Variants in ADAMTSL1 observed in about 807,000 individuals in gnomAD.
The protein encoded by ADAMTSL1 is ADAMTS-like protein 1.
Under a neutral mutation model 201.8 loss-of-function variants are expected in ADAMTSL1, and 126 were observed. That is an observed-to-expected ratio of 0.62 (90% CI 0.54 to 0.72). ADAMTSL1 has a LOEUF of 0.72. ADAMTSL1 is among the 30% of genes least tolerant of loss of function. The pLI, the probability that ADAMTSL1 is intolerant of heterozygous loss-of-function variation, is 0.00. For missense variants in ADAMTSL1, 2,679 were observed against 2,277.8 expected (o/e 1.18, Z -3.59); for synonymous variants, 1,121 against 903.4 (o/e 1.24, Z -4.32).
chr9:17,912,241 G>C lies in ADAMTSL1; in HGVS notation c.87+5319G>C, dbSNP rs1173012518. On this transcript the variant is annotated intron_variant, in intron 1 of 29. Transcript: ENST00000680146. ...GGGTCAAATGATATTTCTAGTTCTAGATCCCTGAGGAATTACCACACTGAC... is the reference window on the plus strand; with the variant it reads ...GGGTCAAATGATATTTCTAGTTCTACATCCCTGAGGAATTACCACACTGAC... Among the ~76,000 whole-genome samples the C allele has an allele frequency of 6.0e-5, 4 of 66,634 alleles. 2 individuals carry two copies. Among genetic ancestry groups the C allele is most frequent in the African/African-American group, 1.2e-4 (4 of 33,184 alleles). 43.7% of individuals were successfully genotyped at this position (66,634 alleles called of 152,430 possible).
At chr9:18,861,304 G>C (rs1197329642) in intron 23 of ADAMTSL1, among the ~76,000 whole-genome samples, 2 of 152,218 alleles carry the variant, frequency 1.3e-5, no homozygotes, top group African/African-American at 4.8e-5. Flanking sequence ...ATTCCCAGCA[G>C]AACAGCATGT....
chr9:18,099,327 AT>A (rs1277376624), intron 1 of ADAMTSL1, among the ~76,000 whole-genome samples: 4 of 44,774 alleles, frequency 8.9e-5, no homozygotes, highest in South Asian at 8.2e-4. Flanking sequence ...CAAATGGAAA[AT>A]ATATATATAT....
At chr9:17,985,330 T>C (rs988293596) in intron 1 of ADAMTSL1, among the ~76,000 whole-genome samples, 2 of 152,170 alleles carry the variant, frequency 1.3e-5, no homozygotes. Flanking sequence ...TTCCAAACGT[T>C]AAAACTTTAA....
intron 1 of ADAMTSL1, among the ~76,000 whole-genome samples, chr9:18,501,294 C>T (rs1822826829): frequency 6.6e-6 from 1 of 151,868 alleles, no homozygotes; most frequent in Non-Finnish European, 1.5e-5. Context: ...GTGGATAGCT[C>T]GAGCTCAGGA....
At chr9:18,603,366 CTA>C (rs1824789888) in intron 4 of ADAMTSL1, among the ~76,000 whole-genome samples, 1 of 150,718 alleles carries the variant, frequency 6.6e-6, no homozygotes, top group Non-Finnish European at 1.5e-5. Flanking sequence ...CTATGCTATG[CTA>C]TGCTATGCTA....
At chr9:18,668,964 C>A (rs545667792) in intron 9 of ADAMTSL1, among the ~76,000 whole-genome samples, 1 of 152,338 alleles carries the variant, frequency 6.6e-6, no homozygotes, top group South Asian at 2.1e-4. Flanking sequence ...CTAAGTTCTT[C>A]CAGTTCTACA....
chr9:18,044,803 C>T (rs770379853), intron 1 of ADAMTSL1, among the ~76,000 whole-genome samples: 2 of 152,158 alleles, frequency 1.3e-5, no homozygotes, highest in South Asian at 2.1e-4. Context: ...AGCAGAGTCA[C>T]ACCTAGAATA....
At chr9:18,575,474 A>T in intron 4 of ADAMTSL1, among the ~76,000 whole-genome samples, 1 of 152,230 alleles carries the variant, frequency 6.6e-6, no homozygotes, top group Non-Finnish European at 1.5e-5. Context: ...TATTCAATCA[A>T]CATTCTAAAA....
At chr9:18,387,984 T>C (rs1239757209) in intron 2 of ADAMTSL1, among the ~76,000 whole-genome samples, 1 of 128,886 alleles carries the variant, frequency 7.8e-6, no homozygotes, top group African/African-American at 2.5e-5. Context: ...TGCTGTACCT[T>C]TCTGATGAGG....
intron 16 of ADAMTSL1, among the ~76,000 whole-genome samples, chr9:18,758,217 G>A (rs756940520): frequency 2.6e-5 from 4 of 152,198 alleles, no homozygotes; most frequent in Non-Finnish European, 5.9e-5. Flanking sequence ...TCACTATGCA[G>A]TATGGCTTTC....
chr9:18,751,232 G>A (rs565355796), intron 15 of ADAMTSL1, among the ~76,000 whole-genome samples: 43 of 152,252 alleles, frequency 2.8e-4, no homozygotes, highest in African/African-American at 1.0e-3. Flanking sequence ...ATTTACACAA[G>A]GATCTAAAAG....
At chr9:18,808,041 G>T (rs1342519539) in intron 20 of ADAMTSL1, among the ~76,000 whole-genome samples, 1 of 151,956 alleles carries the variant, frequency 6.6e-6, no homozygotes, top group African/African-American at 2.4e-5. Context: ...TTTTAAGTTG[G>T]CCACTAAAAT....
intron 1 of ADAMTSL1, among the ~76,000 whole-genome samples, chr9:18,084,605 C>T (rs1158987690): frequency 6.6e-6 from 1 of 152,078 alleles, no homozygotes; most frequent in African/African-American, 2.4e-5. Context: ...TTCATAGTCA[C>T]CTCTGATGCT....
At chr9:18,270,931 G>T (rs1249559539) in intron 2 of ADAMTSL1, among the ~76,000 whole-genome samples, 1 of 152,258 alleles carries the variant, frequency 6.6e-6, no homozygotes, top group Non-Finnish European at 1.5e-5. Context: ...GAAGACTCTA[G>T]GACCCTAAGA....
At chr9:18,119,325 C>T (rs1173807010) in intron 1 of ADAMTSL1, among the ~76,000 whole-genome samples, 5 of 151,972 alleles carry the variant, frequency 3.3e-5, no homozygotes, top group Non-Finnish European at 7.4e-5. Context: ...TGGAGTCTCT[C>T]TCTGCCACCC....
At chr9:18,298,991 G>C (rs1188662138) in intron 2 of ADAMTSL1, among the ~76,000 whole-genome samples, 2 of 144,444 alleles carry the variant, frequency 1.4e-5, no homozygotes, top group African/African-American at 5.1e-5. Context: ...CAGCCTGGGC[G>C]ACAGAGCCAG....
At chr9:18,644,740 G>A (rs1389914633) in intron 7 of ADAMTSL1, among the ~76,000 whole-genome samples, 1 of 152,004 alleles carries the variant, frequency 6.6e-6, no homozygotes, top group Non-Finnish European at 1.5e-5. Flanking sequence ...TGGCTGCATA[G>A]TATTCCATGG....
chr9:18,192,228 A>G (rs974416744), intron 2 of ADAMTSL1, among the ~76,000 whole-genome samples: 15 of 152,160 alleles, frequency 9.9e-5, no homozygotes, highest in African/African-American at 3.6e-4. Flanking sequence ...TGGTGTTTCT[A>G]TGAAAGATTT....
intron 1 of ADAMTSL1, among the ~76,000 whole-genome samples, chr9:18,076,337 G>T (rs889884480): frequency 6.6e-6 from 1 of 152,138 alleles, no homozygotes; most frequent in Non-Finnish European, 1.5e-5. Flanking sequence ...TCTAGGTATT[G>T]TCCTCCTCGT....
Sources: gnomAD v4.1 joint callset for allele counts (sites outside exome capture counted in the v4.1 genomes callset) on GRCh38, gnomAD v4.1.1 for gene constraint, MANE v1.5 for transcripts, NCBI Gene and HGNC (gene_info 2026-07-23, HGNC 2026-07-21) for gene names.